NAALADL2: variants seen among roughly 807,000 people sequenced by gnomAD.
NAALADL2 encodes the protein inactive N-acetylated-alpha-linked acidic dipeptidase-like protein 2.
A neutral mutation model predicts 87.2 loss-of-function variants in NAALADL2; 76 were observed. The ratio of observed to expected loss-of-function variants is 0.87; its 90% CI spans 0.72 to 1.05. The LOEUF is 1.05. Among genes scored for constraint, NAALADL2 ranks in the 50% least tolerant of loss-of-function variants. The pLI, the probability that NAALADL2 is intolerant of heterozygous loss-of-function variation, is 0.00. For missense variants in NAALADL2, 1,089 were observed against 945.8 expected, an observed-to-expected ratio of 1.15 and a Z score of -1.99; for synonymous variants, 354 against 331.0, an observed-to-expected ratio of 1.07 and a Z score of -0.75.
chr3:175,423,028 A>AAAAAAAT (rs1438736874), intron 5 of NAALADL2, among the ~76,000 whole-genome samples: 14 of 111,302 alleles, frequency 1.3e-4, no homozygotes, highest in African/African-American at 4.9e-4. Context: ...GAAAAAAAAA[A>AAAAAAAT]ATATATATAT....
At chr3:175,080,209 C>T (rs565674378) in intron 1 of NAALADL2, among the ~76,000 whole-genome samples, 177 of 152,260 alleles carry the variant, frequency 1.2e-3, no homozygotes, top group African/African-American at 4.0e-3. Flanking sequence ...TCGTGATCCA[C>T]GCACCTCGGC....
intron 2 of NAALADL2, among the ~76,000 whole-genome samples, chr3:174,587,295 C>T (rs1716835022): frequency 6.6e-6 from 1 of 152,086 alleles, no homozygotes; most frequent in Admixed American, 6.5e-5. Context: ...AATAAACATA[C>T]ATGTGCACAC....
chr3:175,371,595 C>T (rs111556241), intron 5 of NAALADL2, among the ~76,000 whole-genome samples: 10,168 of 151,958 alleles, frequency 0.067, 629 homozygotes, highest in African/African-American at 0.17. Context: ...GAGGCCAAGG[C>T]GGGTGGATCA....
chr3:174,452,420 G>A (rs936984635), intron 1 of NAALADL2, among the ~76,000 whole-genome samples: 1 of 152,126 alleles, frequency 6.6e-6, no homozygotes, highest in Non-Finnish European at 1.5e-5. Flanking sequence ...CCTAACAAGT[G>A]TATACCCTGC....
At chr3:174,687,695 A>G (rs1040666970) in intron 2 of NAALADL2, among the ~76,000 whole-genome samples, 1 of 152,106 alleles carries the variant, frequency 6.6e-6, no homozygotes, top group African/African-American at 2.4e-5. Context: ...TTATGTTAAT[A>G]TAATTTGATA....
At chr3:175,435,327 A>G (rs1022214736) in intron 5 of NAALADL2, among the ~76,000 whole-genome samples, 2 of 152,032 alleles carry the variant, frequency 1.3e-5, no homozygotes, top group African/African-American at 4.8e-5. Flanking sequence ...AATATGTACT[A>G]AAGCAATAGA....
At chr3:175,066,989 T>A (rs1241254102) in intron 1 of NAALADL2, among the ~76,000 whole-genome samples, 2 of 152,192 alleles carry the variant, frequency 1.3e-5, no homozygotes, top group Non-Finnish European at 2.9e-5. Context: ...TTTTTAAAGT[T>A]AATTGCCTAA....
chr3:174,669,519 C>T (rs1335234389), intron 2 of NAALADL2, among the ~76,000 whole-genome samples: 2 of 151,972 alleles, frequency 1.3e-5, no homozygotes, highest in African/African-American at 4.8e-5. Flanking sequence ...TTTATGTGGT[C>T]TTGGTACTCT....
chr3:175,449,518 C>T (rs187255821), intron 6 of NAALADL2, among the ~76,000 whole-genome samples: 1 of 151,706 alleles, frequency 6.6e-6, no homozygotes, highest in African/African-American at 2.4e-5. Context: ...CTCAGCCTCC[C>T]AAGTAGCTGG....
chr3:175,446,430 C>G (rs148784953), intron 5 of NAALADL2, among the ~76,000 whole-genome samples: 1 of 152,080 alleles, frequency 6.6e-6, no homozygotes, highest in East Asian at 1.9e-4. Flanking sequence ...TTATTATGCA[C>G]GGGGTTTCAC....
At chr3:175,011,245 A>T (rs1276767103) in intron 1 of NAALADL2, among the ~76,000 whole-genome samples, 1 of 132,082 alleles carries the variant, frequency 7.6e-6, no homozygotes, top group Non-Finnish European at 1.5e-5. Flanking sequence ...AGAGAGAGGG[A>T]GAGAGACAGA....
At position 175,627,322 on chromosome 3, in the gene NAALADL2, C is replaced by T. The variant is rs756741967; in HGVS notation, c.1832C>T (p.Ser611Phe). The T allele has an allele frequency of 6.4e-7, 1 of 1,571,372 alleles. No individual in the cohort carries two copies. Among genetic ancestry groups the T allele is most frequent in the East Asian group, 2.3e-5 (1 of 43,564 alleles). The change falls in exon 11 of 14, where the codon TCT (serine) becomes TTT (phenylalanine). Residue 611 changes from serine (S) to phenylalanine (F), a missense_variant. By Grantham distance (155) the Ser-to-Phe change is radical. Transcript: ENST00000454872. ...AGTTTTCTCTCCGAGGCCCGTTTTT[C>T]TACACGAGCAACAAAAATTGAAGAA... Reference protein sequence around the residue: ...GPSFLSEARFSTRATKIEEMD... With the variant: ...GPSFLSEARFFTRATKIEEMD...
intron 3 of NAALADL2, among the ~76,000 whole-genome samples, chr3:174,818,364 G>A (rs1016906853): frequency 1.3e-5 from 2 of 151,872 alleles, no homozygotes; most frequent in African/African-American, 2.4e-5. Context: ...CCCTAACTGC[G>A]GAGATGAATG....
In NAALADL2 at chr3:174,849,715, A is replaced by T. The variant is rs1253122197; in HGVS notation, c.-9+111969A>T. 4.4e-5 allele frequency among the ~76,000 whole-genome samples: 6 copies of T among 137,132 alleles called. No individual in the cohort carries two copies. The East Asian group carries it at 1.3e-3, about 31-fold the overall frequency. The allele number at this position is 137,132 out of a possible 152,430, so 90.0% of individuals were successfully genotyped here. ...GCGCCATTGCACTCCAGCCTGGGTG[A>T]CAGAGCGAGACTCTGACTCAAAAAA... On this transcript the variant is annotated intron_variant, in intron 3 of 3. Transcript: ENST00000434257.
At chr3:175,561,833 T>C (rs1468484910) in intron 9 of NAALADL2, among the ~76,000 whole-genome samples, 1 of 152,228 alleles carries the variant, frequency 6.6e-6, no homozygotes, top group Non-Finnish European at 1.5e-5. Flanking sequence ...CATAGCACTT[T>C]AAGTGAAATC....
intron 1 of NAALADL2, among the ~76,000 whole-genome samples, chr3:174,926,185 C>G (rs1192073788): frequency 6.6e-6 from 1 of 152,140 alleles, no homozygotes; most frequent in Non-Finnish European, 1.5e-5. Flanking sequence ...ATGAACAAAG[C>G]CTCCAGGAAA....
Position 174,823,192 on chromosome 3 carries a change from TTTG to T in NAALADL2, c.-9+85463_-9+85465del, listed in dbSNP as rs777451538. Among the ~76,000 whole-genome samples, 200 of 152,162 alleles carry T rather than the reference TTTG, an allele frequency of 1.3e-3. 1 individual carries two copies. Among genetic ancestry groups the T allele is most frequent in the Admixed American group, 3.6e-3 (55 of 15,280 alleles). ...GTCCCAAGTGTTTGGAGTTTTCCTT[TTTG>T]TTGTTGTTGTTGTTGTCTGTTTGTT... On this transcript the variant is annotated intron_variant, in intron 3 of 3. Coordinates refer to the NAALADL2 transcript ENST00000434257.
chr3:174,863,030 G>A (rs892017866), intron 1 of NAALADL2, among the ~76,000 whole-genome samples: 1 of 152,078 alleles, frequency 6.6e-6, no homozygotes, highest in South Asian at 2.1e-4. Flanking sequence ...CACTGAAGGA[G>A]AATTTTGCCA....
intron 10 of NAALADL2, among the ~76,000 whole-genome samples, chr3:175,611,285 A>T (rs1170119904): frequency 1.3e-5 from 2 of 152,138 alleles, no homozygotes; most frequent in Non-Finnish European, 2.9e-5. Flanking sequence ...TCAACTTTTT[A>T]AAAAATACCT....
Sources: gnomAD v4.1 joint callset for allele counts (sites outside exome capture counted in the v4.1 genomes callset) on GRCh38, gnomAD v4.1.1 for gene constraint, MANE v1.5 for transcripts, NCBI Gene and HGNC (gene_info 2026-07-23, HGNC 2026-07-21) for gene names.